Variants in HHIP observed in about 807,000 individuals in gnomAD.
HHIP encodes hedgehog interacting protein, also known as hedgehog-interacting protein.
Under a neutral mutation model 74.0 loss-of-function variants are expected in HHIP, and 12 were observed. That is an observed-to-expected ratio of 0.16 (90% CI 0.10 to 0.26). The LOEUF is 0.26. Among genes scored for constraint, HHIP ranks in the 10% least tolerant of loss-of-function variants. The pLI is 1.00. For synonymous variants in HHIP, 309 were observed against 311.6 expected (o/e 0.99, Z 0.09); for missense variants, 788 against 845.0 (o/e 0.93, Z 0.84).
At chr4:144,647,404 G>A (rs1262018578) in intron 1 of HHIP, among the ~76,000 whole-genome samples, 1 of 152,214 alleles carries the variant, frequency 6.6e-6, no homozygotes, top group Non-Finnish European at 1.5e-5. Context: ...CGTAAAGGAT[G>A]TTGAAGCATG....
At chr4:144,699,226 G>C (rs148483518) in intron 4 of HHIP, among the ~76,000 whole-genome samples, 1 of 152,078 alleles carries the variant, frequency 6.6e-6, no homozygotes, top group Non-Finnish European at 1.5e-5. Context: ...CTCATAATTC[G>C]CCTTCAGCCT....
intron 11 of HHIP, among the ~76,000 whole-genome samples, chr4:144,728,111 T>G (rs1169222869): frequency 6.6e-6 from 1 of 152,206 alleles, no homozygotes; most frequent in Non-Finnish European, 1.5e-5. Context: ...TAGATGGATA[T>G]TTGTGAAATT....
At chr4:144,718,287 G>A (rs1730519690) in intron 10 of HHIP, among the ~76,000 whole-genome samples, 1 of 152,186 alleles carries the variant, frequency 6.6e-6, no homozygotes, top group Non-Finnish European at 1.5e-5. Context: ...CTCACAGGAA[G>A]ATGGAGCCTG....
In HHIP at chr4:144,734,770, C is replaced by G. The variant is rs200321873; in HGVS notation, c.1790C>G (p.Thr597Arg). Residue 597 changes from threonine to arginine, a missense_variant, in exon 12 of 13, where the codon ACG becomes AGG. Coordinates refer to ENST00000296575, the MANE Select transcript of HHIP (RefSeq NM_022475.3). ...RPLMPEECRA[T>R]VQPAQTLTSE... ...TTAATGCCTGAGGAATGCAGAGCCA[C>G]GGTACAACCTGCACAGACACTGACT... 3 of 1,602,018 alleles carry G rather than the reference C, an allele frequency of 1.9e-6. No homozygotes were observed. Among genetic ancestry groups the G allele is most frequent in the Non-Finnish European group, 2.6e-6 (3 of 1,170,790 alleles).
At position 144,707,264 on chromosome 4, in the gene HHIP, A is replaced by G; in HGVS notation, c.1157+4A>G. 5 of 1,594,958 alleles carry G rather than the reference A, an allele frequency of 3.1e-6. No homozygotes were observed. Among genetic ancestry groups the G allele is most frequent in the Non-Finnish European group, 1.7e-6 (2 of 1,171,054 alleles). ...TGGAAGAAATGGATGGGTTAAGGTA[A>G]AAGGCTGATCACAGATGGGTTCCTC... On this transcript the variant is annotated splice_donor_region_variant and intron_variant, in intron 6 of 12. Transcript: ENST00000296575.
intron 4 of HHIP, among the ~76,000 whole-genome samples, chr4:144,697,305 G>T (rs188197443): frequency 6.6e-6 from 1 of 151,760 alleles, no homozygotes; most frequent in African/African-American, 2.4e-5. Flanking sequence ...TTTTGAGAAG[G>T]GATTTTTATG....
intron 4 of HHIP, among the ~76,000 whole-genome samples, chr4:144,688,948 A>G (rs1404385138): frequency 6.6e-6 from 1 of 152,204 alleles, no homozygotes; most frequent in Non-Finnish European, 1.5e-5. Context: ...ACGATGCCAT[A>G]CCAGTAGGAA....
intron 4 of HHIP, among the ~76,000 whole-genome samples, chr4:144,662,833 C>A (rs1728751925): frequency 6.6e-6 from 1 of 152,168 alleles, no homozygotes; most frequent in African/African-American, 2.4e-5. Context: ...GATTTGAAAT[C>A]TTTAAATTGA....
intron 4 of HHIP, among the ~76,000 whole-genome samples, chr4:144,691,264 T>C (rs1430867130): frequency 1.3e-5 from 2 of 152,252 alleles, no homozygotes; most frequent in Non-Finnish European, 1.5e-5. Context: ...TATGGCCTTA[T>C]ATTTTGCTTA....
rs201244195 is a variant in HHIP, at chr4:144,715,354, A to G, written c.1602A>G (p.Pro534=). Residue 534 remains proline, a synonymous_variant, in exon 10 of 13, where the codon CCA becomes CCG. Coordinates refer to ENST00000296575, the MANE Select transcript of HHIP (RefSeq NM_022475.3). ...SPVTKQWQEK[P]LCLGTSGSCR... ...TGACAAAGCAGTGGCAAGAAAAACC[A>G]CTCTGTCTCGGCACTAGTGGGTCCT... is the stretch of plus-strand genomic sequence containing the variant. 4 of 1,613,056 alleles carry G rather than the reference A, an allele frequency of 2.5e-6. No individual in the cohort carries two copies. The African/African-American group carries it at 5.3e-5, about 22-fold the overall frequency.
chr4:144,696,603 T>C (rs1217796879), intron 4 of HHIP, among the ~76,000 whole-genome samples: 1 of 151,926 alleles, frequency 6.6e-6, no homozygotes, highest in Admixed American at 6.6e-5. Context: ...TAGGGCACTG[T>C]AACATAATAG....
rs1428822602 is a variant in HHIP at position 144,646,610 on chromosome 4, C to T, written c.-66C>T. Reference sequence around the variant, plus strand: ...CTCCTCCTGGAGCTGCGCCCTAGTGCCCCTGCTGGGCAGTGGCGTTCCCCC... The same window carrying T: ...CTCCTCCTGGAGCTGCGCCCTAGTGTCCCTGCTGGGCAGTGGCGTTCCCCC... On this transcript the variant is annotated 5_prime_UTR_variant, in exon 1 of 13. Transcript: ENST00000296575. 1 of 1,523,414 alleles carries T rather than the reference C, an allele frequency of 6.6e-7. No individual in the cohort carries two copies. The highest frequency in any genetic ancestry group is 1.3e-5 in the South Asian group (1 of 79,998). 94.4% of individuals were successfully genotyped at this position (1,523,414 alleles called of 1,614,324 possible). A position where few individuals can be genotyped will look rare whatever the true frequency, so the allele number is the denominator to read the frequency against.
In HHIP at chr4:144,658,958, T is replaced by C. The variant is rs756619122; in HGVS notation, c.629+12T>C. On this transcript the variant is annotated intron_variant, in intron 3 of 12. Coordinates refer to ENST00000296575, the MANE Select transcript of HHIP (RefSeq NM_022475.3). ...GAAGAGATCAGCAGGTTCATAAAGA[T>C]AAATGCTCTTTAATCTTTTTAAAAA... 2 of 1,588,684 alleles carry C rather than the reference T, an allele frequency of 1.3e-6. No homozygotes were observed. Among genetic ancestry groups the C allele is most frequent in the Non-Finnish European group, 1.7e-6 (2 of 1,166,382 alleles).
chr4:144,706,457 T>C, intron 4 of HHIP, 74 bp from the exon 5 acceptor site: 1 of 1,215,800 alleles, frequency 8.2e-7, no homozygotes, highest in Non-Finnish European at 1.1e-6. Context: ...AGAGACTCTT[T>C]TGGGGTTCCA....
chr4:144,715,440 A>C lies in HHIP; in HGVS notation c.1678+10A>C, dbSNP rs1730422769. The C allele has an allele frequency of 1.2e-6, 2 of 1,605,888 alleles. No homozygotes were observed. The highest frequency in any genetic ancestry group is 1.7e-6 in the Non-Finnish European group (2 of 1,174,798). On this transcript the variant is annotated intron_variant, in intron 10 of 12. Transcript: ENST00000296575. ...GGAGAAGATGAACTAGGTACTGTAC[A>C]ATCTAGTTCTGTTAAGTTTCATTCT... is the stretch of plus-strand genomic sequence containing the variant.
intron 4 of HHIP, among the ~76,000 whole-genome samples, chr4:144,665,061 T>C (rs546438061): frequency 3.3e-4 from 51 of 152,360 alleles, no homozygotes; most frequent in African/African-American, 9.9e-4. Context: ...AAGATGTTTT[T>C]ATTTTTTTGT....
chr4:144,669,707 G>C (rs1028605950), intron 4 of HHIP, among the ~76,000 whole-genome samples: 1 of 151,948 alleles, frequency 6.6e-6, no homozygotes, highest in Non-Finnish European at 1.5e-5. Context: ...TCTGATTATA[G>C]AACTAAATCC....
intron 11 of HHIP, among the ~76,000 whole-genome samples, chr4:144,724,141 A>G (rs1285783272): frequency 1.3e-5 from 2 of 152,204 alleles, no homozygotes; most frequent in Non-Finnish European, 2.9e-5. Context: ...TAGCAGCCTG[A>G]GTATCACTAA....
At chr4:144,686,253 A>G (rs1729482285) in intron 4 of HHIP, among the ~76,000 whole-genome samples, 1 of 152,162 alleles carries the variant, frequency 6.6e-6, no homozygotes, top group East Asian at 1.9e-4. Context: ...TCCTCCCTAG[A>G]GGCTCTAAGA....
Sources: gnomAD v4.1 joint callset for allele counts (sites outside exome capture counted in the v4.1 genomes callset) on GRCh38, gnomAD v4.1.1 for gene constraint, MANE v1.5 for transcripts, NCBI Gene and HGNC (gene_info 2026-07-23, HGNC 2026-07-21) for gene names.